PICALM: variants seen among roughly 807,000 people sequenced by gnomAD.
PICALM encodes phosphatidylinositol binding clathrin assembly protein, also known as phosphatidylinositol-binding clathrin assembly protein.
Under a neutral mutation model 80.5 loss-of-function variants are expected in PICALM, and 40 were observed. That is an observed-to-expected ratio of 0.50 (90% CI 0.39 to 0.65). PICALM has a LOEUF of 0.65. PICALM is among the 30% of genes least tolerant of loss of function. The pLI, the probability that PICALM is intolerant of heterozygous loss-of-function variation, is 0.00. For missense variants in PICALM, 676 were observed against 778.9 expected (o/e 0.87, Z 1.57); for synonymous variants, 288 against 260.3 (o/e 1.11, Z -1.02).
At chr11:85,991,520 C>T (rs536959240) in intron 12 of PICALM, among the ~76,000 whole-genome samples, 3 of 151,502 alleles carry the variant, frequency 2.0e-5, no homozygotes, top group Non-Finnish European at 4.4e-5. Flanking sequence ...ATTCTACAAG[C>T]TCAAATACAA....
intron 7 of PICALM, among the ~76,000 whole-genome samples, chr11:86,008,496 T>C (rs146566176): frequency 1.8e-3 from 277 of 152,194 alleles, no homozygotes; most frequent in African/African-American, 6.3e-3. Flanking sequence ...GGCAGGCACC[T>C]GTAATCCCAG....
intron 4 of PICALM, among the ~76,000 whole-genome samples, chr11:86,017,843 A>G (rs2095504497): frequency 6.6e-6 from 1 of 152,224 alleles, no homozygotes; most frequent in Admixed American, 6.5e-5. Context: ...ATTAAAAGAT[A>G]TAAACTATAA....
At chr11:86,068,354 G>A (rs562423034) in intron 1 of PICALM, among the ~76,000 whole-genome samples, 38 of 152,278 alleles carry the variant, frequency 2.5e-4, no homozygotes, top group African/African-American at 8.9e-4. Flanking sequence ...AAGCCAGGTG[G>A]GGAAGCAAGT....
At chr11:85,985,121 G>T (rs2094539285) in intron 13 of PICALM, among the ~76,000 whole-genome samples, 2 of 152,118 alleles carry the variant, frequency 1.3e-5, no homozygotes, top group South Asian at 4.1e-4. Context: ...TAAACTTTTG[G>T]TGTCCTAAAT....
At chr11:85,978,577 A>G (rs1461745136) in intron 17 of PICALM, 1 of 152,188 alleles carries the variant, frequency 6.6e-6, no homozygotes, top group Non-Finnish European at 1.5e-5. Context: ...GAAATGTCAA[A>G]AGCAGCAGTT....
chr11:85,968,947 A>AAC (rs57641869), intron 19 of PICALM, among the ~76,000 whole-genome samples: 1,577 of 144,048 alleles, frequency 0.011, 12 homozygotes, highest in African/African-American at 0.017. Context: ...AAAATGACTC[A>AAC]ACACACACAC....
At chr11:86,007,692 T>G (rs1592834182) in intron 7 of PICALM, 109 bp from the exon 8 acceptor site, 5 of 358,882 alleles carry the variant, frequency 1.4e-5, no homozygotes, top group African/African-American at 1.1e-4. Context: ...ACAGACTTCT[T>G]AAGAATCAGG....
At chr11:85,964,169 A>C (rs1381732651) in intron 19 of PICALM, among the ~76,000 whole-genome samples, 1 of 152,158 alleles carries the variant, frequency 6.6e-6, no homozygotes, top group East Asian at 1.9e-4. Flanking sequence ...GTGGAATTAA[A>C]AGCTTATGAA....
At chr11:85,981,271 T>C in intron 16 of PICALM, 43 bp from the exon 17 acceptor site, 1 of 1,125,352 alleles carries the variant, frequency 8.9e-7, no homozygotes, top group Non-Finnish European at 1.4e-6. Context: ...TCTCTAATTA[T>C]AAAGTTTCCT....
intron 1 of PICALM, among the ~76,000 whole-genome samples, chr11:86,047,399 A>C (rs1053038936): frequency 6.6e-6 from 1 of 152,262 alleles, no homozygotes; most frequent in Non-Finnish European, 1.5e-5. Context: ...CACATTATTC[A>C]ACTCAAGTTC....
chr11:86,069,724 G>C (rs573875550), upstream of PICALM: 3 of 152,336 alleles, frequency 2.0e-5, no homozygotes, highest in South Asian at 6.2e-4. Flanking sequence ...ACTTACCCCA[G>C]AAAGGTTTTT....
chr11:85,986,412 C>A (rs2094574402), intron 13 of PICALM, among the ~76,000 whole-genome samples: 1 of 109,362 alleles, frequency 9.1e-6, no homozygotes, highest in Non-Finnish European at 1.7e-5. Context: ...GAGACGGAGT[C>A]TCGCTCTGTC....
intron 1 of PICALM, among the ~76,000 whole-genome samples, chr11:86,059,414 T>C (rs906237211): frequency 6.6e-6 from 1 of 152,238 alleles, no homozygotes; most frequent in Non-Finnish European, 1.5e-5. Context: ...GTGAGAATAA[T>C]GCTGGACTGA....
intron 1 of PICALM, among the ~76,000 whole-genome samples, chr11:86,037,848 A>G (rs981493613): frequency 4.6e-5 from 7 of 152,246 alleles, no homozygotes; most frequent in South Asian, 2.1e-4. Context: ...TAAAGGAACT[A>G]TAACACTGTT....
chr11:85,991,585 A>C (rs1451686991), intron 12 of PICALM, among the ~76,000 whole-genome samples: 1 of 152,210 alleles, frequency 6.6e-6, no homozygotes, highest in African/African-American at 2.4e-5. Flanking sequence ...ATGATTTTAA[A>C]AACAACACAT....
intron 1 of PICALM, among the ~76,000 whole-genome samples, chr11:86,040,478 A>G (rs1368071232): frequency 6.6e-6 from 1 of 152,120 alleles, no homozygotes; most frequent in East Asian, 1.9e-4. Flanking sequence ...TGGGATTACT[A>G]CAGATGTGAG....
At chr11:86,035,844 A>T (rs1366874809) in intron 1 of PICALM, among the ~76,000 whole-genome samples, 1 of 150,142 alleles carries the variant, frequency 6.7e-6, no homozygotes, top group African/African-American at 2.4e-5. Flanking sequence ...GCTACTTAGG[A>T]GGCTGAGGCA....
intron 1 of PICALM, among the ~76,000 whole-genome samples, chr11:86,042,989 T>TA (rs2137095284): frequency 6.6e-6 from 1 of 152,312 alleles, no homozygotes; most frequent in African/African-American, 2.4e-5. Context: ...AGTACGTTAT[T>TA]AGTTAGGAAT....
chr11:86,053,819 C>G (rs1322146421), intron 1 of PICALM, among the ~76,000 whole-genome samples: 1 of 152,104 alleles, frequency 6.6e-6, no homozygotes. Context: ...CTGCCCACCT[C>G]GGCCTCCCAA....
Sources: allele counts gnomAD v4.1 joint callset (sites outside exome capture counted in the v4.1 genomes callset), GRCh38; gene constraint gnomAD v4.1.1; transcripts MANE v1.5; gene names NCBI Gene and HGNC (gene_info 2026-07-23, HGNC 2026-07-21).